PRKCH: variants seen among roughly 807,000 people sequenced by gnomAD.
PRKCH encodes the protein protein kinase C eta type.
In PRKCH, 28 loss-of-function variants were observed where a neutral mutation model predicts 82.5. The ratio of observed to expected loss-of-function variants is 0.34; its 90% CI spans 0.25 to 0.47. The LOEUF is 0.47. Among genes scored for constraint, PRKCH ranks in the 20% least tolerant of loss-of-function variants. The pLI is 1.00. For synonymous variants in PRKCH, 322 were observed against 327.4 expected, an observed-to-expected ratio of 0.98 and a Z score of 0.18; for missense variants, 705 against 881.8, an observed-to-expected ratio of 0.80 and a Z score of 2.54.
intron 9 of PRKCH, among the ~76,000 whole-genome samples, chr14:61,461,396 C>T (rs777254065): frequency 4.6e-5 from 7 of 152,204 alleles, no homozygotes; most frequent in East Asian, 1.9e-4. Flanking sequence ...GGTTGCCCGC[C>T]GGGGTTTCAA....
At chr14:61,535,044 T>C (rs1239577295) in intron 12 of PRKCH, among the ~76,000 whole-genome samples, 2 of 152,204 alleles carry the variant, frequency 1.3e-5, no homozygotes, top group Non-Finnish European at 2.9e-5. Flanking sequence ...AGGCTTTTAT[T>C]CCTAAGGAAA....
chr14:61,504,036 T>C (rs1374357843), intron 10 of PRKCH, among the ~76,000 whole-genome samples: 4 of 152,154 alleles, frequency 2.6e-5, no homozygotes, highest in East Asian at 1.9e-4. Flanking sequence ...GGAAGAATTA[T>C]TTAAAAAATT....
intron 1 of PRKCH, among the ~76,000 whole-genome samples, chr14:61,310,413 G>C (rs2045513493): frequency 6.6e-6 from 1 of 152,206 alleles, no homozygotes; most frequent in African/African-American, 2.4e-5. Context: ...CAAGCCCCAT[G>C]CAAGTCCAAA....
At chr14:61,489,322 C>T (rs1316699017) in intron 10 of PRKCH, among the ~76,000 whole-genome samples, 2 of 152,132 alleles carry the variant, frequency 1.3e-5, no homozygotes, top group African/African-American at 4.8e-5. Context: ...TGTTTATTTT[C>T]CAGCAGGTTA....
At position 61,550,271 on chromosome 14, in the gene PRKCH, C is replaced by G. The variant is rs1287790025; in HGVS notation, c.*440C>G. 6.5e-6 allele frequency: 1 copy of G among 154,496 alleles called. No individual in the cohort carries two copies. Among genetic ancestry groups the G allele is most frequent in the Non-Finnish European group, 1.4e-5 (1 of 69,772 alleles). 9.6% of individuals were successfully genotyped at this position (154,496 alleles called of 1,614,324 possible). ...ATTCCTGGCAGTCTACAAGAAGTCT[C>G]TTAATGCTAATGAAGAATTTAAAGG... On this transcript the variant is annotated 3_prime_UTR_variant, in exon 14 of 14. Transcript: ENST00000332981.
At chr14:61,417,231 A>G (rs936341090) in intron 2 of PRKCH, among the ~76,000 whole-genome samples, 3 of 152,184 alleles carry the variant, frequency 2.0e-5, no homozygotes, top group Non-Finnish European at 2.9e-5. Flanking sequence ...CGTCTTTGAA[A>G]GGGCTTCCTT....
chr14:61,216,046 G>C (rs1237196908), intron 1 of PRKCH, among the ~76,000 whole-genome samples: 2 of 152,144 alleles, frequency 1.3e-5, no homozygotes, highest in Non-Finnish European at 2.9e-5. Context: ...CACCCTGCTG[G>C]CTAATAAAAT....
chr14:61,349,237 A>G (rs1197448526), intron 1 of PRKCH, among the ~76,000 whole-genome samples: 1 of 152,202 alleles, frequency 6.6e-6, no homozygotes, highest in African/African-American at 2.4e-5. Flanking sequence ...CTTTAGGGGC[A>G]TGTCTTGGAC....
chr14:61,301,858 T>C (rs1028723791), intron 1 of PRKCH, among the ~76,000 whole-genome samples: 1 of 152,146 alleles, frequency 6.6e-6, no homozygotes, highest in Non-Finnish European at 1.5e-5. Flanking sequence ...AGTACATATC[T>C]TAAAGGCAAA....
At chr14:61,459,611 C>G (rs1884938960) in intron 9 of PRKCH, among the ~76,000 whole-genome samples, 1 of 152,164 alleles carries the variant, frequency 6.6e-6, no homozygotes, top group Non-Finnish European at 1.5e-5. Flanking sequence ...AATGACGTAT[C>G]AGGTTGTATG....
intron 10 of PRKCH, among the ~76,000 whole-genome samples, chr14:61,516,523 A>C (rs1290257535): frequency 6.6e-6 from 1 of 152,214 alleles, no homozygotes; most frequent in Non-Finnish European, 1.5e-5. Flanking sequence ...TTCTTCAGAC[A>C]GTGTCTCCAC....
chr14:61,378,224 C>CTTTTTCTTTTTCTT (rs1555380855), intron 1 of PRKCH, among the ~76,000 whole-genome samples: 1 of 139,488 alleles, frequency 7.2e-6, no homozygotes, highest in Non-Finnish European at 1.5e-5. Flanking sequence ...TTTTCTTTTT[C>CTTTTTCTTTTTCTT]TTTTTTTTTT....
At chr14:61,466,912 C>A (rs1387050346) in intron 9 of PRKCH, among the ~76,000 whole-genome samples, 6 of 152,168 alleles carry the variant, frequency 3.9e-5, no homozygotes, top group African/African-American at 1.4e-4. Flanking sequence ...AAGTTGAAAT[C>A]CTGGTTTTTG....
chr14:61,312,095 G>A (rs2045529672), intron 1 of PRKCH, among the ~76,000 whole-genome samples: 1 of 152,186 alleles, frequency 6.6e-6, no homozygotes, highest in Non-Finnish European at 1.5e-5. Context: ...TGAGATTTGA[G>A]TGGGGACACA....
chr14:61,416,006 G>A (rs996074304), intron 2 of PRKCH, among the ~76,000 whole-genome samples: 2 of 149,864 alleles, frequency 1.3e-5, no homozygotes, highest in African/African-American at 4.9e-5. Flanking sequence ...GTGGTAGCAT[G>A]TGTCAAGATT....
At chr14:61,476,220 G>A (rs780351751) in intron 9 of PRKCH, 9 of 152,138 alleles carry the variant, frequency 5.9e-5, no homozygotes, top group Non-Finnish European at 1.3e-4. Flanking sequence ...GACAAAAATG[G>A]TTCCTATTAT....
intron 1 of PRKCH, among the ~76,000 whole-genome samples, chr14:61,263,718 T>C (rs2140081450): frequency 6.6e-6 from 1 of 152,306 alleles, no homozygotes; most frequent in East Asian, 1.9e-4. Flanking sequence ...GTTCATCTAA[T>C]AATTTATGGG....
At chr14:61,252,183 C>T (rs2044952684) in intron 1 of PRKCH, among the ~76,000 whole-genome samples, 1 of 152,170 alleles carries the variant, frequency 6.6e-6, no homozygotes, top group Non-Finnish European at 1.5e-5. Context: ...GCTCCATCCT[C>T]ACCAGATTGC....
intron 1 of PRKCH, chr14:61,278,249 C>T (rs1227832075): frequency 6.6e-6 from 1 of 152,176 alleles, no homozygotes; most frequent in Non-Finnish European, 1.5e-5. Context: ...AAAAATGTAT[C>T]TATATACATA....
Sources: gnomAD v4.1 joint callset for allele counts (sites outside exome capture counted in the v4.1 genomes callset) on GRCh38, gnomAD v4.1.1 for gene constraint, MANE v1.5 for transcripts, NCBI Gene and HGNC (gene_info 2026-07-23, HGNC 2026-07-21) for gene names.